Variants in PLXNA1 observed in about 807,000 individuals in gnomAD.
PLXNA1 encodes the protein plexin-A1.
Under a neutral mutation model 191.7 loss-of-function variants are expected in PLXNA1, and 77 were observed. That is an observed-to-expected ratio of 0.40 (90% confidence interval 0.33 to 0.49). The LOEUF (loss-of-function observed/expected upper bound fraction) is 0.49. Among genes scored for constraint, PLXNA1 ranks in the 20% least tolerant of loss-of-function variants. The pLI is 0.63. For synonymous variants in PLXNA1, 1,137 were observed against 1,156.4 expected (o/e 0.98, Z 0.34); for missense variants, 2,110 against 2,660.2 (o/e 0.79, Z 4.55).
chr3:127,014,949 C>T lies in PLXNA1; in HGVS notation c.2877+118C>T, dbSNP rs770321102. ...GCCATGCTCTGCCACTGCTTTTCCA[C>T]GGCCTGGGTGCTGCCCCTCCCCTCC... On this transcript the variant is annotated intron_variant, in intron 14 of 31. Coordinates refer to ENST00000393409, the MANE Select transcript of PLXNA1 (RefSeq NM_032242.4). 4.8e-4 allele frequency: 700 copies of T among 1,465,224 alleles called. 2 individuals carry two copies. Among genetic ancestry groups the T allele is most frequent in the Admixed American group, 6.2e-4 (29 of 46,852 alleles). The allele number at this position is 1,465,224 out of a possible 1,614,324, so 90.8% of individuals were successfully genotyped here. A position where few individuals can be genotyped will look rare whatever the true frequency, so the allele number is the denominator to read the frequency against.
rs61744428 is a variant in PLXNA1 at position 127,006,170 on chromosome 3, C to T, written c.1989C>T (p.Val663=). 1.3e-3 allele frequency: 2,171 copies of T among 1,613,104 alleles called. 11 individuals are homozygous for T. The highest frequency in any genetic ancestry group is 0.01 in the African/African-American group (767 of 75,040). The change falls in exon 8 of 32, where the codon GTC becomes GTT. Residue 663 remains valine, a synonymous_variant. Coordinates refer to ENST00000393409, the MANE Select transcript of PLXNA1 (RefSeq NM_032242.4). The part of the protein sequence containing the change: ...SVDFVFYNCS[V]HQSCLSCVNG... ...ACTTCGTCTTCTACAACTGCAGCGT[C>T]CACCAGTCGTGAGTGTCTCTAGGCC...
At chr3:127,019,617 A>G (rs2079142907) in intron 20 of PLXNA1, among the ~76,000 whole-genome samples, 2 of 152,208 alleles carry the variant, frequency 1.3e-5, no homozygotes, top group Admixed American at 1.3e-4. Flanking sequence ...TGTCCCCCAG[A>G]GCCTGCCTGG....
At position 127,004,711 on chromosome 3, in the gene PLXNA1, T is replaced by C; in HGVS notation, c.1619T>C (p.Ile540Thr). Residue 540 changes from isoleucine to threonine, a missense_variant and splice_region_variant, in exon 5 of 32, where the codon ATC (isoleucine) becomes ACC (threonine). This residue lies in a region of PLXNA1 where 903 missense variants were observed against 1,015.7 expected (regional missense o/e 0.89). Transcript: ENST00000393409. ...TGTGGCTGGTGTGTCCTGCACAGCA[T>C]GTGAGTCTGGGCAGGTGGGCAGGGG... ...PHCGWCVLHS[I>T]CSRRDACERA... 2 of 1,587,646 alleles carry C rather than the reference T, an allele frequency of 1.3e-6. No individual in the cohort carries two copies. The highest frequency in any genetic ancestry group is 1.7e-6 in the Non-Finnish European group (2 of 1,167,610).
At chr3:127,007,728 G>A in intron 8 of PLXNA1, 71 bp from the exon 9 acceptor site, 1 of 926,742 alleles carries the variant, frequency 1.1e-6, no homozygotes, top group Non-Finnish European at 1.7e-6. Flanking sequence ...GCGGCACAGT[G>A]TCCTTCTGAT....
At position 127,033,828 on chromosome 3, in the gene PLXNA1, C is replaced by T. The variant is rs1283310592; in HGVS notation, c.5596-94C>T. On this transcript the variant is annotated intron_variant, in intron 31 of 31. Transcript: ENST00000393409. ...TTGGCCAGGGGTAGATGGGGTTGAA[C>T]CTCTGGCACCTACTCTGGAGGCATC... The T allele has an allele frequency of 2.7e-6, 3 of 1,096,102 alleles. No individual in the cohort carries two copies. In the African/African-American group the frequency reaches 4.7e-5, roughly 17 times the overall value. 67.9% of individuals were successfully genotyped at this position (1,096,102 alleles called of 1,614,324 possible).
chr3:127,028,789 G>A (rs1242876590), intron 25 of PLXNA1: 11 of 591,924 alleles, frequency 1.9e-5, no homozygotes, highest in Admixed American at 1.2e-4. Flanking sequence ...CCCTTAGGCT[G>A]GGGCTGCTGT....
At chr3:127,010,377 C>A (rs1457617335) in intron 9 of PLXNA1, among the ~76,000 whole-genome samples, 1 of 152,198 alleles carries the variant, frequency 6.6e-6, no homozygotes, top group Admixed American at 6.5e-5. Flanking sequence ...CAGGTCGAGT[C>A]AGGTGATCAC....
At chr3:127,014,658 C>T (rs773258815) in intron 13 of PLXNA1, 29 bp downstream of exon 13, 24 of 900,986 alleles carry the variant, frequency 2.7e-5, no homozygotes, top group East Asian at 1.3e-4. Flanking sequence ...GTGTGCGGGG[C>T]GGGACGGGAC....
At position 127,035,642 on chromosome 3, in the gene PLXNA1, C is replaced by CT. The variant is rs1559968944; in HGVS notation, c.*1625_*1626insT. ...TCAGTCACTTGTAAAAGCAAACAAG[C>CT]GGTCCATCCCCTTTTCAAGGTCACT... is the stretch of plus-strand genomic sequence containing the variant. On this transcript the variant is annotated 3_prime_UTR_variant, in exon 32 of 32. Transcript: ENST00000393409. 9 of 152,624 alleles carry CT rather than the reference C, an allele frequency of 5.9e-5. No homozygotes were observed. Among genetic ancestry groups the CT allele is most frequent in the African/African-American group, 2.2e-4 (9 of 41,440 alleles). The allele number at this position is 152,624 out of a possible 1,614,324, so 9.5% of individuals were successfully genotyped here.
rs752738675 is a variant in PLXNA1 at position 127,017,463 on chromosome 3, C to T, written c.3315C>T (p.Arg1105=). ...ACAATGACACCACCATGGTATGCCG[C>T]GCCCCGTCTGTGGCCAACCCTGTGC... ...LVYNDTTMVC[R]APSVANPVRS... The change falls in exon 18 of 32, where the codon CGC becomes CGT. Residue 1105 remains arginine, a synonymous_variant. Coordinates refer to ENST00000393409, the MANE Select transcript of PLXNA1 (RefSeq NM_032242.4). The T allele has an allele frequency of 1.9e-5, 31 of 1,613,158 alleles. No homozygotes were observed. The highest frequency in any genetic ancestry group is 3.3e-5 in the Admixed American group (2 of 59,998).
At chr3:127,029,725 C>T in intron 27 of PLXNA1, 149 bp from the exon 28 acceptor site, 1 of 1,098,664 alleles carries the variant, frequency 9.1e-7, no homozygotes. Flanking sequence ...TGTGTCCGTA[C>T]ACAATTATGC....
At position 127,016,732 on chromosome 3, in the gene PLXNA1, C is replaced by A. The variant is rs370314406; in HGVS notation, c.3182+48C>A. The A allele has an allele frequency of 3.9e-5, 62 of 1,601,398 alleles. No homozygotes were observed. In the African/African-American group the frequency reaches 7.1e-4, roughly 18 times the overall value. On this transcript the variant is annotated intron_variant, in intron 16 of 31. Coordinates refer to ENST00000393409, the MANE Select transcript of PLXNA1 (RefSeq NM_032242.4). ...CCCTATCCCCAGCTATTGAGAGCAG[C>A]GCTGAGCCAGGAGCTCTTCCACTGG...
chr3:127,015,437 A>G (rs2079118290), intron 15 of PLXNA1, 117 bp downstream of exon 15: 16 of 1,339,426 alleles, frequency 1.2e-5, no homozygotes, highest in African/African-American at 2.9e-5. Context: ...TGGGGTGATC[A>G]CTGTGAAACC....
chr3:127,030,551 G>C, intron 29 of PLXNA1, 139 bp downstream of exon 29: 1 of 1,059,564 alleles, frequency 9.4e-7, no homozygotes, highest in Non-Finnish European at 1.4e-6. Context: ...GGCATGGCGG[G>C]CCAGTCCTGT....
chr3:127,016,134 C>T (rs1249174179), intron 15 of PLXNA1, among the ~76,000 whole-genome samples: 4 of 152,040 alleles, frequency 2.6e-5, no homozygotes, highest in Non-Finnish European at 4.4e-5. Context: ...GCCTACCTCC[C>T]AGCCTGGCGT....
chr3:126,998,283 T>C (rs1438574731), intron 3 of PLXNA1, among the ~76,000 whole-genome samples: 2 of 152,206 alleles, frequency 1.3e-5, no homozygotes, highest in East Asian at 3.9e-4. Context: ...GATGTGGGTC[T>C]TTGAGGGCCC....
At position 126,983,150 on chromosome 3, in the gene PLXNA1, G is replaced by A. The variant is rs1490135577; in HGVS notation, c.-211G>A. On this transcript the variant is annotated 5_prime_UTR_variant, in exon 1 of 32. Transcript: ENST00000393409. The stretch of plus-strand genomic sequence containing the variant: ...GGCATCGGCTGCGCGGCCACGCAGC[G>A]GAGCCCGGGCGCGGCGGCGGCCTCG... Among the ~76,000 whole-genome samples, 1 of 145,640 alleles carries A rather than the reference G, an allele frequency of 6.9e-6. No individual in the cohort carries two copies. The highest frequency in any genetic ancestry group is 1.5e-5 in the Non-Finnish European group (1 of 65,594).
rs780597965 is a variant in PLXNA1 at position 127,022,182 on chromosome 3, G to A, written c.4136G>A (p.Arg1379His). Residue 1379 changes from arginine (R) to histidine (H), a missense_variant, in exon 22 of 32, where the codon CGC becomes CAC. Transcript: ENST00000393409. ...TTCATCCGCACGCTGGAGGCACAGCGCAGCTTCTCCATGCGCGACCGCGGG... is the reference window on the plus strand; with the variant it reads ...TTCATCCGCACGCTGGAGGCACAGCACAGCTTCTCCATGCGCGACCGCGGG... ...LTFIRTLEAQRSFSMRDRGNV... is the reference protein window; with the variant it reads ...LTFIRTLEAQHSFSMRDRGNV... The A allele has an allele frequency of 6.8e-6, 11 of 1,613,398 alleles. No individual in the cohort carries two copies. Among genetic ancestry groups the A allele is most frequent in the South Asian group, 2.2e-5 (2 of 91,064 alleles).
intron 14 of PLXNA1, 81 bp from the exon 15 acceptor site, chr3:127,015,103 A>C: frequency 1.3e-6 from 2 of 1,532,240 alleles, no homozygotes; most frequent in African/African-American, 2.7e-5. Flanking sequence ...CTGTGGGGGT[A>C]AGCAGGCCAA....
Sources: gnomAD v4.1 joint callset for allele counts (sites outside exome capture counted in the v4.1 genomes callset) on GRCh38, gnomAD v4.1.1 for gene constraint, gnomAD v4.1.1 regional missense constraint, MANE v1.5 for transcripts, NCBI Gene and HGNC (gene_info 2026-07-23, HGNC 2026-07-21) for gene names.